The following DPPA2 variants were observed in gnomAD, a reference collection of about 807,000 sequenced individuals.
DPPA2 encodes the protein developmental pluripotency associated 2.
DPPA2 carries 26 observed loss-of-function variants against 36.2 expected under a neutral mutation model. That is an observed-to-expected ratio of 0.72 (90% confidence interval 0.53 to 1.00). The LOEUF (loss-of-function observed/expected upper bound fraction) is 1.00, where lower values mean the gene tolerates loss of function less well. Ranked by LOEUF, DPPA2 falls within the 50% of genes least tolerant of loss-of-function variation. The pLI is 0.00. For missense variants in DPPA2, 361 were observed against 365.1 expected (o/e 0.99, Z 0.09); for synonymous variants, 113 against 123.2 (o/e 0.92, Z 0.55).
chr3:109,307,303 T>C (rs1707589663), intron 6 of DPPA2, among the ~76,000 whole-genome samples: 1 of 151,932 alleles, frequency 6.6e-6, no homozygotes, highest in Non-Finnish European at 1.5e-5. Context: ...ATCTTCATTT[T>C]ATATAACAGG....
intron 6 of DPPA2, among the ~76,000 whole-genome samples, chr3:109,307,809 T>C (rs891819355): frequency 4.6e-5 from 7 of 152,130 alleles, no homozygotes; most frequent in African/African-American, 1.4e-4. Context: ...TGCTTAGTGA[T>C]GGAAAAGGGC....
intron 7 of DPPA2, among the ~76,000 whole-genome samples, chr3:109,302,367 A>G (rs995473264): frequency 6.6e-6 from 1 of 152,124 alleles, no homozygotes; most frequent in Non-Finnish European, 1.5e-5. Flanking sequence ...TCCTCCTTAA[A>G]TGCTTTGTCA....
chr3:109,299,648 T>C (rs1450534899), intron 8 of DPPA2, among the ~76,000 whole-genome samples: 7 of 148,410 alleles, frequency 4.7e-5, no homozygotes, highest in Admixed American at 2.0e-4. Flanking sequence ...ATCTCATCAT[T>C]GTACTCCAGC....
intron 8 of DPPA2, among the ~76,000 whole-genome samples, chr3:109,297,761 A>T (rs1267942796): frequency 6.6e-6 from 1 of 152,182 alleles, no homozygotes; most frequent in Non-Finnish European, 1.5e-5. Flanking sequence ...AGCCAATATG[A>T]AAAGGCTACA....
Position 109,309,051 on chromosome 3 carries a change from C to T in DPPA2, c.371G>A (p.Arg124Lys). Residue 124 changes from arginine (R) to lysine (K), a missense_variant, in exon 5 of 9, where the codon AGG becomes AAG. Arg to Lys is a conservative substitution (Grantham distance 26). Transcript: ENST00000478945. Reference protein sequence around the residue: ...KKIEVYLRLHRHAYPEQRQDM... With the variant: ...KKIEVYLRLHKHAYPEQRQDM... ...TTGCCGTTGTTCAGGGTAAGCATGC[C>T]TATGAAGCCTCAGATAAACTTCGAT... 6.2e-7 allele frequency: 1 copy of T among 1,614,134 alleles called. No individual in the cohort carries two copies. The highest frequency in any genetic ancestry group is 8.5e-7 in the Non-Finnish European group (1 of 1,180,036).
At chr3:109,303,234 AT>A (rs1707489765) in intron 7 of DPPA2, among the ~76,000 whole-genome samples, 1 of 151,848 alleles carries the variant, frequency 6.6e-6, no homozygotes, top group African/African-American at 2.4e-5. Context: ...TGGCCATCAT[AT>A]TTTTTATTTC....
intron 2 of DPPA2, 35 bp downstream of exon 2, chr3:109,314,475 T>C (rs777525592): frequency 3.1e-6 from 5 of 1,602,684 alleles, no homozygotes; most frequent in Admixed American, 1.7e-5. Context: ...GAAAAGCGAC[T>C]GTGAGAAAAG....
chr3:109,297,460 G>A (rs1049380009), intron 8 of DPPA2, among the ~76,000 whole-genome samples: 3 of 151,634 alleles, frequency 2.0e-5, no homozygotes, highest in Non-Finnish European at 2.9e-5. Flanking sequence ...GGAGGCAAAG[G>A]TTGCAGTGAA....
In DPPA2 at chr3:109,304,488, C is replaced by A. The variant is rs144839994; in HGVS notation, c.841G>T (p.Asp281Tyr). ...CATAAGGGTTACCTCTTAGCACAGTCGGGGCATAACATATTATCTTCTATG... is the reference window on the plus strand; with the variant it reads ...CATAAGGGTTACCTCTTAGCACAGTAGGGGCATAACATATTATCTTCTATG... Reference protein sequence around the residue: ...PGIEDNMLCPDCAKRNKKMMK... With the variant: ...PGIEDNMLCPYCAKRNKKMMK... Residue 281 changes from aspartate to tyrosine, a missense_variant, in exon 7 of 9, where the codon GAC becomes TAC. By Grantham distance (160) the Asp-to-Tyr change is radical (BLOSUM62 -3). Transcript: ENST00000478945. 1 of 1,611,758 alleles carries A rather than the reference C, an allele frequency of 6.2e-7. No individual in the cohort carries two copies. Among genetic ancestry groups the A allele is most frequent in the South Asian group, 1.1e-5 (1 of 90,624 alleles).
chr3:109,315,742 G>A (rs1707774896), intron 1 of DPPA2, among the ~76,000 whole-genome samples: 1 of 152,068 alleles, frequency 6.6e-6, no homozygotes, highest in Non-Finnish European at 1.5e-5. Context: ...ATATTGTCTG[G>A]ACCTGGCACG....
At chr3:109,299,831 CA>C (rs1707427486) in intron 8 of DPPA2, among the ~76,000 whole-genome samples, 1 of 147,204 alleles carries the variant, frequency 6.8e-6, no homozygotes, top group African/African-American at 2.5e-5. Flanking sequence ...CAGAGAACTA[CA>C]ACCTTGAACT....
chr3:109,300,497 C>T (rs1455217443), intron 7 of DPPA2, 62 bp from the exon 8 acceptor site: 3 of 1,506,252 alleles, frequency 2.0e-6, no homozygotes, highest in African/African-American at 2.8e-5. Context: ...CATCCCTTAC[C>T]AATCCCTTTA....
Position 109,304,669 on chromosome 3 carries a change from G to A in DPPA2, c.660C>T (p.Gly220=), listed in dbSNP as rs377013186. 57 of 1,580,118 alleles carry A rather than the reference G, an allele frequency of 3.6e-5. No individual in the cohort carries two copies. The highest frequency in any genetic ancestry group is 5.5e-5 in the African/African-American group (4 of 73,196). Residue 220 remains glycine, a splice_region_variant and synonymous_variant, in exon 7 of 9, where the codon GGC becomes GGT. Transcript: ENST00000478945. ...SVEAFLMQAS[G]VRWCVVHGRL... is the part of the protein sequence containing the mutation. ...TGCCATGGACCACACACCACCTGAC[G>A]CCTGGAAAGGAAAAACAAATATAGA...
intron 1 of DPPA2, among the ~76,000 whole-genome samples, chr3:109,315,846 T>C (rs1707776412): frequency 6.6e-6 from 1 of 151,952 alleles, no homozygotes; most frequent in Admixed American, 6.6e-5. Context: ...CTGGGCAATA[T>C]AGTGAGACCT....
At chr3:109,301,344 T>A (rs1037868584) in intron 7 of DPPA2, among the ~76,000 whole-genome samples, 8 of 152,036 alleles carry the variant, frequency 5.3e-5, no homozygotes, top group Non-Finnish European at 1.2e-4. Context: ...TAAATGCTTA[T>A]GGTTTTTTCA....
chr3:109,310,293 A>AT (rs1707678937), intron 3 of DPPA2, among the ~76,000 whole-genome samples: 1 of 148,298 alleles, frequency 6.7e-6, no homozygotes, highest in Non-Finnish European at 1.5e-5. Context: ...TCCCAGCTCC[A>AT]GCTACTCAGG....
At chr3:109,297,226 A>T (rs955333730) in intron 8 of DPPA2, among the ~76,000 whole-genome samples, 3 of 152,198 alleles carry the variant, frequency 2.0e-5, no homozygotes, top group African/African-American at 7.2e-5. Context: ...TTCCAAATTT[A>T]AAAAAATGTG....
At chr3:109,312,404 C>G (rs1235102593) in intron 3 of DPPA2, 141 bp downstream of exon 3, 16 of 1,105,776 alleles carry the variant, frequency 1.4e-5, no homozygotes, top group Non-Finnish European at 1.9e-5. Context: ...TGAGAGTTTG[C>G]AAAATTTCTT....
chr3:109,300,821 CAAAAAAAAAAAA>C (rs767043097), intron 7 of DPPA2, among the ~76,000 whole-genome samples: 1 of 68,086 alleles, frequency 1.5e-5, no homozygotes, highest in Non-Finnish European at 3.1e-5. Flanking sequence ...GACTCAGTCT[CAAAAAAAAAAAA>C]AAAAAAAAAG....
Sources: allele counts gnomAD v4.1 joint callset (sites outside exome capture counted in the v4.1 genomes callset), GRCh38; gene constraint gnomAD v4.1.1; transcripts MANE v1.5; gene names NCBI Gene and HGNC (gene_info 2026-07-23, HGNC 2026-07-21).